Variants in CDH13 observed in about 807,000 individuals in gnomAD.
The protein encoded by CDH13 is cadherin-13.
Under a neutral mutation model 63.8 loss-of-function variants are expected in CDH13, and 24 were observed. The ratio of observed to expected loss-of-function variants is 0.38; its 90% CI spans 0.27 to 0.53. CDH13 has a LOEUF of 0.53. Among genes scored for constraint, CDH13 ranks in the 20% least tolerant of loss-of-function variants. CDH13 has a pLI of 0.85. For missense variants in CDH13, 1,049 were observed against 903.1 expected (o/e 1.16, Z -2.07); for synonymous variants, 503 against 355.3 (o/e 1.42, Z -4.67).
chr16:83,287,845 G>C (rs1023049460), intron 5 of CDH13, among the ~76,000 whole-genome samples: 6 of 152,182 alleles, frequency 3.9e-5, no homozygotes, highest in African/African-American at 1.4e-4. Context: ...CTGATCAAGA[G>C]TGATAGCATT....
intron 3 of CDH13, among the ~76,000 whole-genome samples, chr16:83,071,913 A>G (rs181424952): frequency 9.2e-4 from 140 of 152,314 alleles, no homozygotes; most frequent in East Asian, 1.7e-3. Context: ...ATGCTCCATC[A>G]TCTATGTGGT....
At chr16:83,225,563 G>C (rs189349798) in intron 5 of CDH13, among the ~76,000 whole-genome samples, 1 of 152,164 alleles carries the variant, frequency 6.6e-6, no homozygotes, top group Non-Finnish European at 1.5e-5. Flanking sequence ...TGTAATTCCT[G>C]ATAGGGGAAA....
At chr16:83,147,578 T>A (rs2036804364) in intron 4 of CDH13, among the ~76,000 whole-genome samples, 1 of 152,170 alleles carries the variant, frequency 6.6e-6, no homozygotes, top group African/African-American at 2.4e-5. Context: ...TCTCCCAACA[T>A]CCCTCAGGAA....
chr16:83,271,239 A>G (rs1413682363), intron 5 of CDH13, among the ~76,000 whole-genome samples: 2 of 151,664 alleles, frequency 1.3e-5, no homozygotes, highest in Non-Finnish European at 2.9e-5. Flanking sequence ...TCCTTTCTGG[A>G]TGAAGTCTGT....
At chr16:82,925,877 A>G (rs1362806485) in intron 2 of CDH13, 1 of 151,930 alleles carries the variant, frequency 6.6e-6, no homozygotes, top group African/African-American at 2.4e-5. Context: ...CATGGAGTCC[A>G]TCTGTTGGAA....
intron 6 of CDH13, among the ~76,000 whole-genome samples, chr16:83,381,499 CA>C (rs1198602066): frequency 6.6e-6 from 1 of 151,978 alleles, no homozygotes; most frequent in Non-Finnish European, 1.5e-5. Flanking sequence ...CCCTGGGATG[CA>C]GTTCTTCTGG....
At chr16:83,311,127 C>G (rs984553629) in intron 5 of CDH13, among the ~76,000 whole-genome samples, 4 of 152,224 alleles carry the variant, frequency 2.6e-5, no homozygotes, top group African/African-American at 7.2e-5. Context: ...TCTGCCATGT[C>G]TGTGATGAAA....
intron 1 of CDH13, among the ~76,000 whole-genome samples, chr16:82,657,698 T>G (rs12926492): frequency 0.25 from 38,093 of 151,958 alleles, 4,892 homozygotes; most frequent in African/African-American, 0.27. Context: ...TAATGTAAAT[T>G]GTATTGTGTT....
chr16:82,644,383 T>C lies in CDH13; in HGVS notation c.45+17246T>C, dbSNP rs1185787141. Among the ~76,000 whole-genome samples the C allele has an allele frequency of 6.6e-6, 1 of 152,104 alleles. No individual in the cohort carries two copies. Among genetic ancestry groups the C allele is most frequent in the African/African-American group, 2.4e-5 (1 of 41,418 alleles). On this transcript the variant is annotated intron_variant, in intron 1 of 13. Transcript: ENST00000567109. This position sits in a 1 kb window ranked among gnomAD's most constrained non-coding sequence, Gnocchi z 5.7. ...CTCCATCACCCCCCTACGGAGTTCC[T>C]TTGATTCTCAGGTCCCTTAACCATG...
chr16:83,583,831 C>G (rs1056628236), intron 7 of CDH13, among the ~76,000 whole-genome samples: 1 of 151,986 alleles, frequency 6.6e-6, no homozygotes, highest in African/African-American at 2.4e-5. Flanking sequence ...GCAGAAGAAT[C>G]ACTTGAGCCC....
intron 1 of CDH13, among the ~76,000 whole-genome samples, chr16:82,648,719 C>T (rs936316798): frequency 9.2e-5 from 14 of 152,160 alleles, no homozygotes; most frequent in African/African-American, 1.2e-4. Flanking sequence ...GATACACTTG[C>T]GTTACATCTA....
At chr16:82,780,214 C>T (rs528564075) in intron 1 of CDH13, among the ~76,000 whole-genome samples, 2 of 152,238 alleles carry the variant, frequency 1.3e-5, no homozygotes, top group South Asian at 2.1e-4. Context: ...TATGTCGACC[C>T]ACAAGTGGTT....
intron 4 of CDH13, among the ~76,000 whole-genome samples, chr16:83,142,000 C>T (rs2036549832): frequency 1.3e-5 from 2 of 152,112 alleles, no homozygotes; most frequent in Admixed American, 1.3e-4. Context: ...GGCTGAAAAG[C>T]CCCAGAAAGT....
chr16:83,370,241 A>C (rs2091339503), intron 6 of CDH13, among the ~76,000 whole-genome samples: 1 of 152,076 alleles, frequency 6.6e-6, no homozygotes, highest in African/African-American at 2.4e-5. Flanking sequence ...AGAAAAAATT[A>C]GCCGGGTGCG....
intron 5 of CDH13, among the ~76,000 whole-genome samples, chr16:83,312,116 T>G (rs1361119395): frequency 1.3e-5 from 2 of 151,924 alleles, no homozygotes; most frequent in South Asian, 2.1e-4. Context: ...GCCTCCACTT[T>G]TTTGTCTATT....
intron 1 of CDH13, among the ~76,000 whole-genome samples, chr16:82,817,526 G>T (rs1196551926): frequency 6.6e-6 from 1 of 152,134 alleles, no homozygotes; most frequent in Non-Finnish European, 1.5e-5. Flanking sequence ...AATATAGAGT[G>T]GGTGCAGTGG....
intron 7 of CDH13, among the ~76,000 whole-genome samples, chr16:83,517,303 T>G (rs1209586910): frequency 5.3e-5 from 8 of 152,174 alleles, no homozygotes; most frequent in Non-Finnish European, 1.2e-4. Context: ...CAGGGCTAGA[T>G]TAGGTTATGC....
intron 1 of CDH13, among the ~76,000 whole-genome samples, chr16:82,730,656 A>G (rs2033353579): frequency 6.6e-6 from 1 of 152,230 alleles, no homozygotes; most frequent in South Asian, 2.1e-4. Context: ...TTCTGTTGGA[A>G]AAATGACACC....
chr16:83,243,999 T>C (rs970818961), intron 5 of CDH13, among the ~76,000 whole-genome samples: 4 of 152,142 alleles, frequency 2.6e-5, no homozygotes, highest in African/African-American at 9.7e-5. Context: ...TGGAACCATA[T>C]AAATTCATCT....
Sources: gnomAD v4.1 joint callset for allele counts (sites outside exome capture counted in the v4.1 genomes callset) on GRCh38, gnomAD v4.1.1 for gene constraint, Gnocchi (gnomAD v3.1) non-coding constraint, MANE v1.5 for transcripts, NCBI Gene and HGNC (gene_info 2026-07-23, HGNC 2026-07-21) for gene names.